The following PCDH15 variants were observed in gnomAD, a reference collection of about 807,000 sequenced individuals.
PCDH15 encodes the protein protocadherin related 15.
In PCDH15, 129 loss-of-function variants were observed where a neutral mutation model predicts 178.5. The ratio of observed to expected loss-of-function variants is 0.72; its 90% CI spans 0.63 to 0.84. PCDH15 has a LOEUF of 0.84. PCDH15 is among the 40% of genes least tolerant of loss of function. The pLI is 0.00. For synonymous variants in PCDH15, 800 were observed against 732.0 expected, an observed-to-expected ratio of 1.09 and a Z score of -1.50; for missense variants, 2,230 against 2,099.9, an observed-to-expected ratio of 1.06 and a Z score of -1.21.
At chr10:55,451,647 A>C (rs574985910) in intron 2 of PCDH15, among the ~76,000 whole-genome samples, 1 of 152,350 alleles carries the variant, frequency 6.6e-6, no homozygotes, top group South Asian at 2.1e-4. Flanking sequence ...AGCTCATGAA[A>C]CATGTGTGAT....
chr10:55,553,209 A>T (rs1022261238), intron 2 of PCDH15, among the ~76,000 whole-genome samples: 2 of 123,174 alleles, frequency 1.6e-5, no homozygotes, highest in Non-Finnish European at 3.6e-5. Context: ...CTAGGTTAAT[A>T]AAAAAAAAAA....
In PCDH15 at chr10:54,295,517, C is replaced by T. The variant is rs548965992; in HGVS notation, c.876+21754G>A. On this transcript the variant is annotated intron_variant, in intron 8 of 37. Transcript: ENST00000644397. ...CACACCACCTTTAAGAGCTGTAACACTCACTGAGAAGGTTCATGGCTTCAC... is the reference window on the plus strand; with the variant it reads ...CACACCACCTTTAAGAGCTGTAACATTCACTGAGAAGGTTCATGGCTTCAC... Among the ~76,000 whole-genome samples the T allele has an allele frequency of 9.5e-4, 145 of 152,328 alleles. 1 individual carries two copies. The highest frequency in any genetic ancestry group is 1.9e-3 in the Non-Finnish European group (128 of 68,042).
At chr10:54,228,935 C>T (rs1307407094) in intron 9 of PCDH15, among the ~76,000 whole-genome samples, 1 of 152,192 alleles carries the variant, frequency 6.6e-6, no homozygotes, top group Non-Finnish European at 1.5e-5. Context: ...AGCCTTCTCT[C>T]TTGTCTGTTT....
At chr10:54,464,860 C>T (rs762938133) in intron 3 of PCDH15, among the ~76,000 whole-genome samples, 3 of 152,006 alleles carry the variant, frequency 2.0e-5, no homozygotes, top group Non-Finnish European at 4.4e-5. Flanking sequence ...AGAAAGTGAA[C>T]AGTTAAAAAA....
chr10:54,392,468 CAAAAAAAAA>C (rs71007849), intron 3 of PCDH15, among the ~76,000 whole-genome samples: 45 of 66,130 alleles, frequency 6.8e-4, no homozygotes, highest in African/African-American at 2.5e-3. Flanking sequence ...GAGGCTGTCT[CAAAAAAAAA>C]AAAAAAAAAA....
chr10:55,144,914 A>C (rs1838462519), intron 2 of PCDH15, among the ~76,000 whole-genome samples: 1 of 152,024 alleles, frequency 6.6e-6, no homozygotes, highest in South Asian at 2.1e-4. Context: ...TTTCCAAGGA[A>C]TATATCCAGA....
intron 2 of PCDH15, among the ~76,000 whole-genome samples, chr10:54,909,356 G>A (rs550273833): frequency 1.3e-5 from 2 of 152,248 alleles, no homozygotes; most frequent in South Asian, 2.1e-4. Flanking sequence ...CCAGTGCAGA[G>A]CTTTCCTTAG....
At chr10:54,688,254 C>T (rs2095050766) in intron 1 of PCDH15, among the ~76,000 whole-genome samples, 1 of 152,032 alleles carries the variant, frequency 6.6e-6, no homozygotes, top group African/African-American at 2.4e-5. Context: ...CTACCCTCAA[C>T]CATCCCATTA....
intron 1 of PCDH15, among the ~76,000 whole-genome samples, chr10:55,208,046 A>G (rs1305910899): frequency 6.6e-6 from 1 of 152,176 alleles, no homozygotes; most frequent in Non-Finnish European, 1.5e-5. Flanking sequence ...GTAATGAATG[A>G]ATAAAAGATG....
chr10:54,861,500 A>G (rs900745132), intron 3 of PCDH15, among the ~76,000 whole-genome samples: 1 of 152,192 alleles, frequency 6.6e-6, no homozygotes, highest in African/African-American at 2.4e-5. Flanking sequence ...AAAAAGACAC[A>G]GGACCAGATG....
chr10:54,732,949 A>T, intron 1 of PCDH15, among the ~76,000 whole-genome samples: 1 of 151,620 alleles, frequency 6.6e-6, no homozygotes, highest in East Asian at 1.9e-4. Flanking sequence ...ATTCAGAAGA[A>T]AAGCATTTGA....
Position 54,047,627 on chromosome 10 carries a change from T to C in PCDH15, c.2220+19130A>G, listed in dbSNP as rs73235754. ...TTGTTCCCAACTTTATGTCCATGTG[T>C]ACCCAGTGTTTCAGTCCCACTTACA... is the stretch of plus-strand genomic sequence containing the variant. On this transcript the variant is annotated intron_variant, in intron 18 of 37. Coordinates refer to ENST00000644397, the MANE Select transcript of PCDH15 (RefSeq NM_001384140.1). Among the ~76,000 whole-genome samples, 704 of 152,146 alleles carry C rather than the reference T, an allele frequency of 4.6e-3. 6 individuals are homozygous for C. The highest frequency in any genetic ancestry group is 0.02 in the Middle Eastern group (6 of 294).
In PCDH15 at chr10:54,649,028, A is replaced by C. The variant is rs529645388; in HGVS notation, c.91+15144T>G. On this transcript the variant is annotated intron_variant, in intron 2 of 37. Transcript: ENST00000644397. Reference sequence around the variant, plus strand: ...AATGCAAACTAGCTGAACAGTCTTCACTGAGCATTTAGCGGGGCAGCCCTT... The same window carrying C: ...AATGCAAACTAGCTGAACAGTCTTCCCTGAGCATTTAGCGGGGCAGCCCTT... Among the ~76,000 whole-genome samples the C allele has an allele frequency of 3.9e-5, 6 of 152,326 alleles. No individual in the cohort carries two copies. The South Asian group carries it at 1.2e-3, about 32-fold the overall frequency.
intron 2 of PCDH15, among the ~76,000 whole-genome samples, chr10:55,554,587 C>A (rs1842055481): frequency 6.6e-6 from 1 of 151,934 alleles, no homozygotes. Flanking sequence ...GAAAATACAG[C>A]TTTTGTGGGA....
At chr10:55,278,356 C>T (rs930361630) in intron 1 of PCDH15, among the ~76,000 whole-genome samples, 1 of 151,760 alleles carries the variant, frequency 6.6e-6, no homozygotes, top group South Asian at 2.1e-4. Context: ...AATAATTATT[C>T]TATTTTCCTT....
At chr10:54,830,050 T>C (rs1953197706) in intron 3 of PCDH15, among the ~76,000 whole-genome samples, 1 of 152,078 alleles carries the variant, frequency 6.6e-6, no homozygotes, top group South Asian at 2.1e-4. Context: ...TCCAATTCTA[T>C]TACCTCAACA....
chr10:54,204,812 A>G (rs1476926508), intron 10 of PCDH15, among the ~76,000 whole-genome samples: 4 of 152,106 alleles, frequency 2.6e-5, no homozygotes, highest in Non-Finnish European at 5.9e-5. Flanking sequence ...TTCATTAAAG[A>G]TGGACCCCAA....
intron 37 of PCDH15, chr10:53,809,015 C>T: frequency 6.3e-7 from 1 of 1,587,082 alleles, no homozygotes; most frequent in Non-Finnish European, 8.6e-7. Context: ...TGTGGCTCCT[C>T]TTTCCTACCC....
rs200319953 is a variant in PCDH15, at chr10:53,814,662, T to TA, written c.4491+1576dup. ...AATGAAGAGCAGAGCCATCAGTCGT[T>TA]AAAAAAAAATTTGAGGAAAGAGCCC... On this transcript the variant is annotated intron_variant, in intron 35 of 37. Coordinates refer to ENST00000644397, the MANE Select transcript of PCDH15 (RefSeq NM_001384140.1). Among the ~76,000 whole-genome samples, 699 of 150,908 alleles carry TA rather than the reference T, an allele frequency of 4.6e-3. 4 individuals carry two copies. Among genetic ancestry groups the TA allele is most frequent in the Middle Eastern group, 0.02 (6 of 294 alleles).
Sources: gnomAD v4.1 joint callset for allele counts (sites outside exome capture counted in the v4.1 genomes callset) on GRCh38, gnomAD v4.1.1 for gene constraint, MANE v1.5 for transcripts, NCBI Gene and HGNC (gene_info 2026-07-23, HGNC 2026-07-21) for gene names.